Variants in RORA observed in about 807,000 individuals in gnomAD.
RORA encodes RAR related orphan receptor A, also known as nuclear receptor ROR-alpha.
Under a neutral mutation model 69.5 loss-of-function variants are expected in RORA, and 7 were observed. The ratio of observed to expected loss-of-function variants is 0.10; its 90% CI spans 0.06 to 0.19. The LOEUF (loss-of-function observed/expected upper bound fraction) is 0.19. Ranked by LOEUF, RORA falls within the 10% of genes least tolerant of loss-of-function variation. The pLI, the probability that RORA is intolerant of heterozygous loss-of-function variation, is 1.00. For synonymous variants in RORA, 261 were observed against 240.8 expected, an observed-to-expected ratio of 1.08 and a Z score of -0.78; for missense variants, 457 against 663.0, an observed-to-expected ratio of 0.69 and a Z score of 3.41.
chr15:60,916,468 T>C (rs1487591010), intron 1 of RORA, among the ~76,000 whole-genome samples: 1 of 152,224 alleles, frequency 6.6e-6, no homozygotes, highest in East Asian at 1.9e-4. Flanking sequence ...TCCACTTGAC[T>C]AAAAGAGGAA....
intron 2 of RORA, among the ~76,000 whole-genome samples, chr15:60,644,852 C>T (rs937392679): frequency 8.5e-5 from 13 of 152,112 alleles, no homozygotes; most frequent in African/African-American, 3.1e-4. Context: ...GAGGATCTCT[C>T]CTTGCGGGGG....
chr15:61,131,600 T>C lies in RORA; in HGVS notation c.166+97453A>G, dbSNP rs1390083000. On this transcript the variant is annotated intron_variant, in intron 1 of 10. Transcript: ENST00000335670. This position sits in a 1 kb window ranked among gnomAD's most constrained non-coding sequence, Gnocchi z 4.2. ...GCTATAGAAGTAATAATGTTATTAA[T>C]AGAACATGTGCTACACTACTGACTA... Among the ~76,000 whole-genome samples the C allele has an allele frequency of 6.6e-6, 1 of 152,212 alleles. No homozygotes were observed. Among genetic ancestry groups the C allele is most frequent in the Non-Finnish European group, 1.5e-5 (1 of 68,040 alleles).
chr15:60,560,391 G>A (rs546865870), intron 2 of RORA, among the ~76,000 whole-genome samples: 15 of 152,026 alleles, frequency 9.9e-5, no homozygotes, highest in Admixed American at 5.9e-4. Flanking sequence ...TTTTTGTTAT[G>A]CTTATGCTGA....
At position 60,613,344 on chromosome 15, in the gene RORA, A is replaced by C. The variant is rs112943351; in HGVS notation, c.196+65313T>G. On this transcript the variant is annotated intron_variant, in intron 2 of 10. Transcript: ENST00000335670. Reference sequence around the variant, plus strand: ...TTTTCTCTGGTGTGCCTTGGAAATGACATGTAGACTAACCCTTTAGAGTGA... The same window carrying C: ...TTTTCTCTGGTGTGCCTTGGAAATGCCATGTAGACTAACCCTTTAGAGTGA... 4.6e-3 allele frequency among the ~76,000 whole-genome samples: 708 copies of C among 152,280 alleles called. 8 individuals carry two copies. Among genetic ancestry groups the C allele is most frequent in the African/African-American group, 0.016 (680 of 41,548 alleles).
At chr15:61,039,773 C>T (rs758127275) in intron 1 of RORA, among the ~76,000 whole-genome samples, 3 of 149,642 alleles carry the variant, frequency 2.0e-5, no homozygotes, top group Non-Finnish European at 4.4e-5. Flanking sequence ...ATAGATGGAC[C>T]AGCTTGATAG....
At chr15:60,829,572 C>T (rs560804825) in intron 1 of RORA, among the ~76,000 whole-genome samples, 19 of 152,302 alleles carry the variant, frequency 1.2e-4, no homozygotes, top group African/African-American at 4.3e-4. Flanking sequence ...CCAGAGTCAT[C>T]TGTTCCTTAC....
At chr15:60,586,862 A>C (rs1192552003) in intron 2 of RORA, among the ~76,000 whole-genome samples, 4 of 152,168 alleles carry the variant, frequency 2.6e-5, no homozygotes, top group Non-Finnish European at 4.4e-5. Flanking sequence ...ATTCCCCACT[A>C]AGTGAGAAAT....
rs199752865 is a variant in RORA at position 61,167,482 on chromosome 15, ATTTTTTTTT to A, written c.166+61562_166+61570del. Reference sequence around the variant, plus strand: ...AAAGGATGCAAATAATTTGACCAGGATTTTTTTTTTTTTTTTTTTTTTTTTTTTTTTTTT... The same window carrying A: ...AAAGGATGCAAATAATTTGACCAGGATTTTTTTTTTTTTTTTTTTTTTTTT... On this transcript the variant is annotated intron_variant, in intron 1 of 10. Transcript: ENST00000335670. 1.3e-4 allele frequency among the ~76,000 whole-genome samples: 17 copies of A among 133,678 alleles called. No individual in the cohort carries two copies. In the South Asian group the frequency reaches 1.8e-3, roughly 14 times the overall value. The allele number at this position is 133,678 out of a possible 152,430, so 87.7% of individuals were successfully genotyped here.
chr15:60,740,346 C>G (rs2071559883), intron 1 of RORA, among the ~76,000 whole-genome samples: 1 of 152,294 alleles, frequency 6.6e-6, no homozygotes, highest in South Asian at 2.1e-4. Flanking sequence ...AGAACTGAAA[C>G]AGTACATGAA....
At chr15:60,507,526 G>T (rs1595877994) in intron 5 of RORA, among the ~76,000 whole-genome samples, 1 of 151,938 alleles carries the variant, frequency 6.6e-6, no homozygotes, top group Non-Finnish European at 1.5e-5. Flanking sequence ...ACAAATAAAA[G>T]AACAAATGTA....
chr15:60,760,110 T>C (rs1742324387), intron 1 of RORA, among the ~76,000 whole-genome samples: 1 of 152,182 alleles, frequency 6.6e-6, no homozygotes. Context: ...GGTTTTAATT[T>C]ACTTCATTAG....
chr15:61,160,654 T>C (rs550261456), intron 1 of RORA, among the ~76,000 whole-genome samples: 21 of 152,192 alleles, frequency 1.4e-4, no homozygotes, highest in African/African-American at 3.1e-4. Flanking sequence ...GAATAAACTA[T>C]AGAGGTGATA....
At chr15:60,642,000 A>G in intron 2 of RORA, among the ~76,000 whole-genome samples, 1 of 152,244 alleles carries the variant, frequency 6.6e-6, no homozygotes, top group East Asian at 1.9e-4. Context: ...GAGTTTGCTT[A>G]GCATGCCCTT....
At chr15:60,789,572 C>T (rs1340171452) in intron 1 of RORA, among the ~76,000 whole-genome samples, 1 of 152,188 alleles carries the variant, frequency 6.6e-6, no homozygotes, top group Non-Finnish European at 1.5e-5. Flanking sequence ...TTTCTTTATC[C>T]CACTTGTTGT....
At chr15:61,180,413 A>G in intron 1 of RORA, among the ~76,000 whole-genome samples, 1 of 152,186 alleles carries the variant, frequency 6.6e-6, no homozygotes, top group East Asian at 1.9e-4. Flanking sequence ...AACATCTTAC[A>G]TGGTTCAGTG....
At chr15:60,616,367 G>A (rs992017896) in intron 2 of RORA, among the ~76,000 whole-genome samples, 2 of 152,180 alleles carry the variant, frequency 1.3e-5, no homozygotes, top group Admixed American at 6.5e-5. Context: ...CTTGTTGTCT[G>A]TTAAAATCTC....
intron 1 of RORA, among the ~76,000 whole-genome samples, chr15:61,217,350 G>C (rs180681120): frequency 6.6e-6 from 1 of 152,184 alleles, no homozygotes. Flanking sequence ...ATGACTGACT[G>C]CTGTAACAAA....
intron 2 of RORA, among the ~76,000 whole-genome samples, chr15:60,539,013 A>ACACACACG (rs1476112433): frequency 1.3e-5 from 2 of 152,170 alleles, no homozygotes; most frequent in East Asian, 3.9e-4. Flanking sequence ...ACACACACAC[A>ACACACACG]CACACACACA....
intron 1 of RORA, among the ~76,000 whole-genome samples, chr15:60,771,444 T>C (rs754350156): frequency 1.3e-5 from 2 of 152,180 alleles, no homozygotes; most frequent in Non-Finnish European, 2.9e-5. Context: ...GGACACAAGC[T>C]CTTGGGTAGC....
Sources: gnomAD v4.1 joint callset for allele counts (sites outside exome capture counted in the v4.1 genomes callset) on GRCh38, gnomAD v4.1.1 for gene constraint, Gnocchi (gnomAD v3.1) non-coding constraint, MANE v1.5 for transcripts, NCBI Gene and HGNC (gene_info 2026-07-23, HGNC 2026-07-21) for gene names.